Variants in ATF7 observed in about 807,000 individuals in gnomAD.
The protein encoded by ATF7 is activating transcription factor 7.
Under a neutral mutation model 50.4 loss-of-function variants are expected in ATF7, and 10 were observed. That is an observed-to-expected ratio of 0.20 (90% CI 0.12 to 0.34). ATF7 has a LOEUF of 0.34. Ranked by LOEUF, ATF7 falls within the 10% of genes least tolerant of loss-of-function variation. The pLI is 1.00. For missense variants in ATF7, 465 were observed against 613.9 expected, an observed-to-expected ratio of 0.76 and a Z score of 2.56; for synonymous variants, 201 against 226.4, an observed-to-expected ratio of 0.89 and a Z score of 1.01.
chr12:53,549,128 T>G (rs1430867636), intron 3 of ATF7, among the ~76,000 whole-genome samples: 1 of 151,458 alleles, frequency 6.6e-6, no homozygotes, highest in Non-Finnish European at 1.5e-5. Flanking sequence ...CTACTAAAAA[T>G]ACAAAAAAAT....
intron 2 of ATF7, among the ~76,000 whole-genome samples, chr12:53,598,513 A>C (rs1217606532): frequency 1.3e-5 from 2 of 152,370 alleles, no homozygotes; most frequent in East Asian, 3.9e-4. Context: ...ATAATTCAGA[A>C]ACAGGAGACA....
intron 1 of ATF7, among the ~76,000 whole-genome samples, chr12:53,603,313 T>C (rs926898446): frequency 9.9e-5 from 15 of 152,112 alleles, no homozygotes; most frequent in African/African-American, 3.6e-4. Context: ...CATCACACTA[T>C]ATGGCTTCCA....
At chr12:53,608,878 T>C (rs79926635) in intron 1 of ATF7, among the ~76,000 whole-genome samples, 218 of 152,282 alleles carry the variant, frequency 1.4e-3, no homozygotes, top group South Asian at 2.5e-3. Flanking sequence ...TGATTTCCAT[T>C]ACATCTAGCA....
chr12:53,517,552 A>G, intron 11 of ATF7, 198 bp from the exon 12 acceptor site: 1 of 597,920 alleles, frequency 1.7e-6, no homozygotes, highest in Non-Finnish European at 3.0e-6. Flanking sequence ...TAAGAAGGGA[A>G]GAACTAGGCC....
At chr12:53,508,424 G>T (rs1944063627), downstream of ATF7, among the ~76,000 whole-genome samples, 1 of 151,056 alleles carries the variant, frequency 6.6e-6, no homozygotes, top group African/African-American at 2.4e-5. Context: ...GCTGGGCGTG[G>T]TGGTAGGCAC....
chr12:53,517,920 A>G (rs1937823132), intron 11 of ATF7, among the ~76,000 whole-genome samples: 1 of 152,112 alleles, frequency 6.6e-6, no homozygotes, highest in Non-Finnish European at 1.5e-5. Flanking sequence ...GCTGGAGTGC[A>G]GTGGTGCAAT....
At chr12:53,532,646 A>G in intron 7 of ATF7, 23 bp from the exon 8 acceptor site, 2 of 1,497,924 alleles carry the variant, frequency 1.3e-6, no homozygotes, top group Non-Finnish European at 1.8e-6. Flanking sequence ...AAGGAAAAAA[A>G]AAAAAAGAGA....
rs968464780 is a variant in ATF7 at position 53,571,247 on chromosome 12, G to T, written c.49-18610C>A. Among the ~76,000 whole-genome samples, 3 of 151,978 alleles carry T rather than the reference G, an allele frequency of 2.0e-5. No homozygotes were observed. In the East Asian group the frequency reaches 5.8e-4, roughly 29 times the overall value. ...ATTCTCCTGGAGAGCCTTCTCAGGA[G>T]GATACGGTCCTCTTTAATATCTTGG... On this transcript the variant is annotated intron_variant, in intron 2 of 11. Coordinates refer to ENST00000420353, the MANE Select transcript of ATF7 (RefSeq NM_006856.3).
At chr12:53,594,242 A>C (rs59639000) in intron 2 of ATF7, among the ~76,000 whole-genome samples, 6,006 of 152,274 alleles carry the variant, frequency 0.039, 361 homozygotes, top group African/African-American at 0.13. Context: ...GATGCAAAGA[A>C]AGGATTTTAT....
chr12:53,616,684 T>C (rs1944133331), intron 1 of ATF7, among the ~76,000 whole-genome samples: 1 of 152,102 alleles, frequency 6.6e-6, no homozygotes, highest in African/African-American at 2.4e-5. Flanking sequence ...GGCTCATTCC[T>C]GTAATCCCAG....
chr12:53,531,802 G>A lies in ATF7; in HGVS notation c.869C>T (p.Pro290Leu), dbSNP rs779837589. Reference protein sequence around the residue: ...GTASTMVTARPEQSQILIQHP... With the variant: ...GTASTMVTARLEQSQILIQHP... Reference sequence around the variant, plus strand: ...CTGGATGAGAATCTGGCTCTGCTCTGGGCGGGCTGTCACCATGGTGCTGGC... The same window carrying A: ...CTGGATGAGAATCTGGCTCTGCTCTAGGCGGGCTGTCACCATGGTGCTGGC... Residue 290 changes from proline to leucine, a missense_variant, in exon 9 of 12, where the codon CCA becomes CTA. Coordinates refer to ENST00000420353, the MANE Select transcript of ATF7 (RefSeq NM_006856.3). The A allele has an allele frequency of 1.1e-5, 17 of 1,612,838 alleles. No homozygotes were observed. In the East Asian group the frequency reaches 1.8e-4, roughly 17 times the overall value.
chr12:53,561,514 G>A (rs985404393), intron 2 of ATF7, among the ~76,000 whole-genome samples: 1 of 152,114 alleles, frequency 6.6e-6, no homozygotes, highest in African/African-American at 2.4e-5. Context: ...ATCTGTAAAA[G>A]TCTTGACAAG....
chr12:53,592,714 AT>A (rs536776312), intron 2 of ATF7, among the ~76,000 whole-genome samples: 176 of 152,322 alleles, frequency 1.2e-3, no homozygotes, highest in Non-Finnish European at 2.0e-3. Flanking sequence ...TTCTATTGTG[AT>A]TTTAAAAAAC....
intron 2 of ATF7, among the ~76,000 whole-genome samples, chr12:53,557,955 C>T (rs1258779034): frequency 6.6e-6 from 1 of 152,156 alleles, no homozygotes; most frequent in Non-Finnish European, 1.5e-5. Context: ...ATTAGTTCCA[C>T]TTGTTTACTT....
intron 3 of ATF7, among the ~76,000 whole-genome samples, chr12:53,549,440 A>C (rs1390557736): frequency 6.6e-6 from 1 of 150,530 alleles, no homozygotes; most frequent in Non-Finnish European, 1.5e-5. Context: ...TTTTGCTCTT[A>C]TTGCCCAGGC....
intron 2 of ATF7, among the ~76,000 whole-genome samples, chr12:53,556,899 T>C (rs1309684676): frequency 1.3e-5 from 2 of 152,192 alleles, no homozygotes; most frequent in African/African-American, 4.8e-5. Flanking sequence ...AAGCAATTTC[T>C]CAATTAAAAT....
Position 53,524,508 on chromosome 12 carries a change from TC to T in ATF7, c.1125+55del. On this transcript the variant is annotated intron_variant, in intron 10 of 11. Coordinates refer to ENST00000420353, the MANE Select transcript of ATF7 (RefSeq NM_006856.3). The surrounding 1 kb of genome is among the most constrained non-coding windows in gnomAD (Gnocchi z 4.6). ...TCAAATTGTACCACTTTTTTCTGAT[TC>T]CATCCCACTTTCTGGATTTTCAACA... The T allele has an allele frequency of 6.3e-7, 1 of 1,589,998 alleles. No individual in the cohort carries two copies.
intron 1 of ATF7, among the ~76,000 whole-genome samples, chr12:53,613,480 AACCC>A (rs1943984073): frequency 1.3e-5 from 2 of 152,162 alleles, no homozygotes; most frequent in African/African-American, 2.4e-5. Flanking sequence ...CAACAGATAT[AACCC>A]AGATAAACAA....
At chr12:53,529,310 A>G (rs1050744703) in intron 9 of ATF7, among the ~76,000 whole-genome samples, 2 of 150,996 alleles carry the variant, frequency 1.3e-5, no homozygotes, top group Admixed American at 1.3e-4. Context: ...AGCGATTCTC[A>G]TGCCTCGGCC....
Sources: gnomAD v4.1 joint callset for allele counts (sites outside exome capture counted in the v4.1 genomes callset) on GRCh38, gnomAD v4.1.1 for gene constraint, Gnocchi (gnomAD v3.1) non-coding constraint, MANE v1.5 for transcripts, NCBI Gene and HGNC (gene_info 2026-07-23, HGNC 2026-07-21) for gene names.